TSHZ2: variants seen among roughly 807,000 people sequenced by gnomAD.
TSHZ2 encodes the protein teashirt homolog 2.
TSHZ2 carries 21 observed loss-of-function variants against 74.4 expected under a neutral mutation model. The ratio of observed to expected loss-of-function variants is 0.28; its 90% CI spans 0.20 to 0.41. The LOEUF (loss-of-function observed/expected upper bound fraction) is 0.41. Ranked by LOEUF, TSHZ2 falls within the 10% of genes least tolerant of loss-of-function variation. TSHZ2 has a pLI of 1.00. For missense variants in TSHZ2, 1,244 were observed against 1,293.5 expected, an observed-to-expected ratio of 0.96 and a Z score of 0.59; for synonymous variants, 540 against 515.3, an observed-to-expected ratio of 1.05 and a Z score of -0.65.
At position 53,367,233 on chromosome 20, in the gene TSHZ2, T is replaced by TA. The variant is rs879659669; in HGVS notation, c.*8+110675dup. Among the ~76,000 whole-genome samples, 521 of 139,772 alleles carry TA rather than the reference T, an allele frequency of 3.7e-3. 2 individuals carry two copies. Among genetic ancestry groups the TA allele is most frequent in the African/African-American group, 8.8e-3 (336 of 38,202 alleles). The allele number at this position is 139,772 out of a possible 152,430, so 91.7% of individuals were successfully genotyped here. ...CAACATGGTGAAACCCTGTCTCTAC[T>TA]AAAAAAAAAAAAATACAAAAATTAG... On this transcript the variant is annotated intron_variant, in intron 2 of 2. Coordinates refer to ENST00000371497, the MANE Select transcript of TSHZ2 (RefSeq NM_173485.6).
At chr20:53,077,435 C>T (rs1985402659) in intron 1 of TSHZ2, among the ~76,000 whole-genome samples, 1 of 150,356 alleles carries the variant, frequency 6.7e-6, no homozygotes, top group East Asian at 2.0e-4. Context: ...AAAGATAATA[C>T]TCTGGGGATC....
intron 2 of TSHZ2, among the ~76,000 whole-genome samples, chr20:53,442,652 C>T (rs1368577048): frequency 6.6e-6 from 1 of 152,196 alleles, no homozygotes; most frequent in African/African-American, 2.4e-5. Flanking sequence ...CTTAGCCATG[C>T]AAATCTCCCT....
At chr20:53,407,148 G>A (rs534330093) in intron 2 of TSHZ2, among the ~76,000 whole-genome samples, 4 of 152,218 alleles carry the variant, frequency 2.6e-5, no homozygotes, top group Middle Eastern at 6.8e-3. Context: ...TCTCTTCCCC[G>A]CTGCATGTGA....
intron 1 of TSHZ2, among the ~76,000 whole-genome samples, chr20:52,983,535 T>C (rs1022553878): frequency 6.6e-6 from 1 of 152,232 alleles, no homozygotes; most frequent in Non-Finnish European, 1.5e-5. Flanking sequence ...TGTATACTAA[T>C]TAATTACTTT....
intron 2 of TSHZ2, among the ~76,000 whole-genome samples, chr20:53,417,959 G>A (rs2145710405): frequency 6.6e-6 from 1 of 152,272 alleles, no homozygotes; most frequent in African/African-American, 2.4e-5. Context: ...AGGGCTCTGA[G>A]CTCACAGAGC....
intron 1 of TSHZ2, among the ~76,000 whole-genome samples, chr20:52,989,653 G>A (rs985830921): frequency 1.3e-4 from 19 of 151,930 alleles, no homozygotes; most frequent in South Asian, 6.2e-4. Flanking sequence ...AACGCTTGGC[G>A]CATAATAAGA....
At chr20:53,219,428 T>C (rs771493979) in intron 1 of TSHZ2, among the ~76,000 whole-genome samples, 8 of 152,264 alleles carry the variant, frequency 5.3e-5, no homozygotes, top group Non-Finnish European at 1.0e-4. Context: ...TCATTTTGTA[T>C]TAAATTTGTA....
intron 2 of TSHZ2, among the ~76,000 whole-genome samples, chr20:53,447,999 T>C (rs1026240976): frequency 6.6e-6 from 1 of 151,630 alleles, no homozygotes; most frequent in African/African-American, 2.4e-5. Context: ...CGGCAAGCTC[T>C]GCCTCCCTGG....
intron 1 of TSHZ2, among the ~76,000 whole-genome samples, chr20:53,017,132 G>C (rs765239965): frequency 2.6e-5 from 4 of 152,186 alleles, no homozygotes; most frequent in Non-Finnish European, 4.4e-5. Flanking sequence ...CCTATGTTCA[G>C]ATCTGTGCTC....
chr20:52,992,492 A>G (rs1982030161), intron 1 of TSHZ2, among the ~76,000 whole-genome samples: 2 of 152,242 alleles, frequency 1.3e-5, no homozygotes, highest in African/African-American at 4.8e-5. Context: ...TGGATCCCAT[A>G]GGAGCCCCTT....
chr20:53,248,500 A>G (rs1034296830), intron 1 of TSHZ2, among the ~76,000 whole-genome samples: 1 of 152,190 alleles, frequency 6.6e-6, no homozygotes, highest in Non-Finnish European at 1.5e-5. Context: ...TTCTCCAATA[A>G]TATTTCTCCT....
In TSHZ2 at chr20:53,201,316, G is replaced by C. The variant is rs75047829; in HGVS notation, c.41-52183G>C. Among the ~76,000 whole-genome samples, 376 of 152,254 alleles carry C rather than the reference G, an allele frequency of 2.5e-3. 1 individual carries two copies. The highest frequency in any genetic ancestry group is 8.8e-3 in the African/African-American group (364 of 41,534). On this transcript the variant is annotated intron_variant, in intron 1 of 2. Coordinates refer to ENST00000371497, the MANE Select transcript of TSHZ2 (RefSeq NM_173485.6). ...TGGGCTAAAATGGATGTGTCAGTAG[G>C]CCCACATTCCTTCGGGAGGCTCCAG... is the stretch of plus-strand genomic sequence containing the variant.
At chr20:53,293,049 T>C (rs1266906241) in intron 2 of TSHZ2, among the ~76,000 whole-genome samples, 1 of 152,234 alleles carries the variant, frequency 6.6e-6, no homozygotes, top group African/African-American at 2.4e-5. Flanking sequence ...AGGGTCGCCA[T>C]TGAAAACAAG....
intron 2 of TSHZ2, among the ~76,000 whole-genome samples, chr20:53,464,179 T>C (rs976942419): frequency 6.6e-6 from 1 of 152,188 alleles, no homozygotes; most frequent in Non-Finnish European, 1.5e-5. Context: ...TGGAGACTGT[T>C]GCACAAACAG....
intron 2 of TSHZ2, among the ~76,000 whole-genome samples, chr20:53,368,989 T>C (rs534623578): frequency 6.6e-5 from 10 of 152,270 alleles, no homozygotes; most frequent in African/African-American, 2.4e-4. Flanking sequence ...AGGCCTAGCA[T>C]CGTGGCTCAT....
intron 2 of TSHZ2, among the ~76,000 whole-genome samples, chr20:53,294,443 A>G (rs1352203952): frequency 1.3e-5 from 2 of 152,134 alleles, no homozygotes; most frequent in African/African-American, 4.8e-5. Context: ...GATCATCTGC[A>G]TCAACTGCTT....
At chr20:53,138,871 A>T (rs897237945) in intron 1 of TSHZ2, among the ~76,000 whole-genome samples, 6 of 152,204 alleles carry the variant, frequency 3.9e-5, no homozygotes, top group Admixed American at 2.0e-4. Context: ...AGCGGTGGGC[A>T]TGGTGCACAG....
At chr20:53,104,488 A>G (rs1600691539) in intron 1 of TSHZ2, among the ~76,000 whole-genome samples, 1 of 152,314 alleles carries the variant, frequency 6.6e-6, no homozygotes, top group East Asian at 1.9e-4. Flanking sequence ...GTAATTGAGT[A>G]GGGAAAGGGA....
chr20:53,149,708 A>C (rs1987630226), intron 1 of TSHZ2, among the ~76,000 whole-genome samples: 1 of 152,254 alleles, frequency 6.6e-6, no homozygotes, highest in Non-Finnish European at 1.5e-5. Flanking sequence ...CATGACTTGC[A>C]GTCCAATCAT....
Sources: allele counts gnomAD v4.1 joint callset (sites outside exome capture counted in the v4.1 genomes callset), GRCh38; gene constraint gnomAD v4.1.1; transcripts MANE v1.5; gene names NCBI Gene and HGNC (gene_info 2026-07-23, HGNC 2026-07-21).